The following MSLN variants were observed in gnomAD, a reference collection of about 807,000 sequenced individuals.
MSLN encodes mesothelin.
In MSLN, 82 loss-of-function variants were observed where a neutral mutation model predicts 72.6. The observed-to-expected ratio is 1.13, with a 90% CI of 0.94 to 1.36. The LOEUF (loss-of-function observed/expected upper bound fraction) is 1.36, where lower values mean the gene tolerates loss of function less well. MSLN is among the 40% of genes most tolerant of loss of function. The probability of loss-of-function intolerance (pLI) is 0.00; values close to 1 mark genes in which losing one functional copy is unlikely to be tolerated. For synonymous variants in MSLN, 456 were observed against 387.3 expected (o/e 1.18, Z -2.08); for missense variants, 1,005 against 847.9 (o/e 1.19, Z -2.30).
Position 764,922 on chromosome 16 carries a change from G to A in MSLN, c.396G>A (p.Ser132=), listed in dbSNP as rs201069688. 69 of 1,611,852 alleles carry A rather than the reference G, an allele frequency of 4.3e-5. No homozygotes were observed. Among genetic ancestry groups the A allele is most frequent in the Middle Eastern group, 1.7e-4 (1 of 6,058 alleles). Residue 132 remains serine, a synonymous_variant, in exon 8 of 18, where the codon TCG becomes TCA. Transcript: ENST00000545450. Reference sequence around the variant, plus strand: ...CTCTTCACAGCCCAGATGCGTTCTCGGGGCCCCAGGCCTGCACCCGTTTCT... The same window carrying A: ...CTCTTCACAGCCCAGATGCGTTCTCAGGGCCCCAGGCCTGCACCCGTTTCT... ...LLLFLNPDAF[S]GPQACTRFFS... is the part of the protein sequence containing the mutation.
chr16:765,497 G>C, intron 9 of MSLN, 30 bp from the exon 10 acceptor site: 1 of 1,581,856 alleles, frequency 6.3e-7, no homozygotes, highest in South Asian at 1.1e-5. Context: ...CACGTGGGGG[G>C]TCCCTGAGCT....
intron 3 of MSLN, among the ~76,000 whole-genome samples, chr16:763,031 G>A (rs561358563): frequency 1.3e-5 from 2 of 152,174 alleles, no homozygotes; most frequent in Non-Finnish European, 2.9e-5. Context: ...GTGGAAGGCC[G>A]GGCTCCCTGG....
intron 5 of MSLN, 149 bp downstream of exon 5, chr16:763,840 GACTGACACCCCT>G: frequency 6.1e-6 from 1 of 162,848 alleles, no homozygotes; most frequent in Non-Finnish European, 7.7e-6. Context: ...CTGCGGGAGG[GACTGACACCCCT>G]CAGGTGATGG....
At position 762,707 on chromosome 16, in the gene MSLN, G is replaced by T; in HGVS notation, c.27G>T (p.Leu9=). Residue 9 remains leucine, a synonymous_variant, in exon 3 of 18, where the codon CTG becomes CTT. Coordinates refer to ENST00000545450, the MANE Select transcript of MSLN (RefSeq NM_005823.6). Reference sequence around the variant, plus strand: ...TGGCCTTGCCAACGGCTCGACCCCTGTTGGGGTCCTGTGGGACCCCCGCCC... The same window carrying T: ...TGGCCTTGCCAACGGCTCGACCCCTTTTGGGGTCCTGTGGGACCCCCGCCC... MALPTARP[L]LGSCGTPALG... is the part of the protein sequence containing the mutation. 6.2e-7 allele frequency: 1 copy of T among 1,610,790 alleles called. No homozygotes were observed. The highest frequency in any genetic ancestry group is 1.3e-5 in the African/African-American group (1 of 74,942).
chr16:763,089 A>G (rs2041556601), intron 3 of MSLN, 144 bp from the exon 4 acceptor site: 4 of 620,112 alleles, frequency 6.5e-6, no homozygotes, highest in East Asian at 2.9e-5. Context: ...CACGGGGTAC[A>G]TGGGCCTGAG....
Position 765,518 on chromosome 16 carries a change from TC to T in MSLN, c.705-8del. ...GGGGGTCCCTGAGCTGTGTCCCGTG[TC>T]TGCACAGCCCCCCGTCGACATGGTC... On this transcript the variant is annotated splice_region_variant and splice_polypyrimidine_tract_variant and intron_variant, in intron 9 of 17. Coordinates refer to ENST00000545450, the MANE Select transcript of MSLN (RefSeq NM_005823.6). The T allele has an allele frequency of 6.2e-7, 1 of 1,600,912 alleles. No homozygotes were observed. The highest frequency in any genetic ancestry group is 8.5e-7 in the Non-Finnish European group (1 of 1,176,476).
intron 2 of MSLN, 22 bp from the exon 3 acceptor site, chr16:762,650 C>G (rs2151613450): frequency 6.3e-7 from 1 of 1,581,040 alleles, no homozygotes. Flanking sequence ...GGGGTCCCAT[C>G]CTGAGTCACT....
At chr16:766,037 C>A in intron 11 of MSLN, 22 bp from the exon 12 acceptor site, 1 of 1,589,032 alleles carries the variant, frequency 6.3e-7, no homozygotes, top group South Asian at 1.1e-5. Flanking sequence ...CGGCCCTGAC[C>A]CCTGACCCCT....
rs371496729 is a variant in MSLN at position 764,894 on chromosome 16, C to T, written c.381-13C>T. 1.5e-5 allele frequency: 24 copies of T among 1,610,108 alleles called. No individual in the cohort carries two copies. The highest frequency in any genetic ancestry group is 1.9e-5 in the Non-Finnish European group (22 of 1,178,864). On this transcript the variant is annotated splice_polypyrimidine_tract_variant and intron_variant, in intron 7 of 17. Transcript: ENST00000545450. ...GATCAGTGCGGCCTGTCCCCAGCAC[C>T]CTCTCTTCACAGCCCAGATGCGTTC...
chr16:766,269 C>A, intron 12 of MSLN, 32 bp downstream of exon 12: 1 of 1,609,030 alleles, frequency 6.2e-7, no homozygotes, highest in Non-Finnish European at 8.5e-7. Flanking sequence ...CACCGGCCTG[C>A]TGTGTCCAAG....
intron 16 of MSLN, 88 bp from the exon 17 acceptor site, chr16:768,291 G>T (rs975135496): frequency 1.1e-5 from 15 of 1,355,728 alleles, no homozygotes; most frequent in Non-Finnish European, 1.5e-5. Flanking sequence ...TGTGGGTGGG[G>T]CAGTTTGGAC....
chr16:765,653 G>A, intron 10 of MSLN, 36 bp downstream of exon 10: 1 of 1,597,972 alleles, frequency 6.3e-7, no homozygotes, highest in Non-Finnish European at 8.5e-7. Context: ...GGGATGCCCG[G>A]CCACCCGAGG....
In MSLN at chr16:765,235, G is replaced by A. The variant is rs1186586612; in HGVS notation, c.636G>A (p.Pro212=). Residue 212 remains proline (P), a synonymous_variant, in exon 9 of 18, where the codon CCG becomes CCA. Transcript: ENST00000545450. ...EVLLPRLVSC[P]GPLDQDQQEA... ...TGCTACCCCGGCTGGTGAGCTGCCC[G>A]GGACCCCTGGACCAGGACCAGCAGG... 9 of 1,584,074 alleles carry A rather than the reference G, an allele frequency of 5.7e-6. No individual in the cohort carries two copies. Among genetic ancestry groups the A allele is most frequent in the African/African-American group, 4.0e-5 (3 of 74,612 alleles).
rs1469213691 is a variant in MSLN, at chr16:761,081, A to G, written c.-103A>G. The G allele has an allele frequency of 6.6e-6, 1 of 151,798 alleles. No homozygotes were observed. Among genetic ancestry groups the G allele is most frequent in the Non-Finnish European group, 1.5e-5 (1 of 67,966 alleles). The allele number at this position is 151,798 out of a possible 1,614,324, so 9.4% of individuals were successfully genotyped here. On this transcript the variant is annotated 5_prime_UTR_variant, in exon 2 of 18. Transcript: ENST00000545450. ...CTCATGGGCGCTGCCAGCGCCACGC[A>G]CTCCTCTTTCTGCCTGGCCGGCCAC...
Position 768,642 on chromosome 16 carries a change from C to T in MSLN, c.1784-6C>T, listed in dbSNP as rs1173953425. 1 of 1,611,242 alleles carries T rather than the reference C, an allele frequency of 6.2e-7. No homozygotes were observed. Among genetic ancestry groups the T allele is most frequent in the Non-Finnish European group, 8.5e-7 (1 of 1,179,454 alleles). On this transcript the variant is annotated splice_polypyrimidine_tract_variant and splice_region_variant and intron_variant, in intron 17 of 17. Transcript: ENST00000545450. ...TGGGCGCTCTGAGTCACCCCTCTCTCTGTAGAGGCCCTCTCGGGGACGCCC... is the reference window on the plus strand; with the variant it reads ...TGGGCGCTCTGAGTCACCCCTCTCTTTGTAGAGGCCCTCTCGGGGACGCCC...
chr16:764,562 T>C (rs2041578353), intron 6 of MSLN, 85 bp from the exon 7 acceptor site: 2 of 1,111,072 alleles, frequency 1.8e-6, no homozygotes, highest in South Asian at 1.2e-5. Flanking sequence ...GGGTGTGTTG[T>C]GGTGGGCAGA....
At position 767,477 on chromosome 16, in the gene MSLN, C is replaced by A; in HGVS notation, c.1596+7C>A. The A allele has an allele frequency of 6.7e-7, 1 of 1,502,312 alleles. No individual in the cohort carries two copies. Among genetic ancestry groups the A allele is most frequent in the East Asian group, 2.5e-5 (1 of 39,710 alleles). 93.1% of individuals were successfully genotyped at this position (1,502,312 alleles called of 1,614,324 possible). A position where few individuals can be genotyped will look rare whatever the true frequency, so the allele number is the denominator to read the frequency against. ...GCGGACGGATGCGGTGCTGGTATGG[C>A]GAGCGGGAGGAGGGGCGTGTGGAGG... On this transcript the variant is annotated splice_region_variant and intron_variant, in intron 16 of 17. Coordinates refer to ENST00000545450, the MANE Select transcript of MSLN (RefSeq NM_005823.6).
intron 5 of MSLN, 40 bp from the exon 6 acceptor site, chr16:763,983 G>A (rs1191447682): frequency 1.3e-6 from 2 of 1,590,720 alleles, no homozygotes; most frequent in East Asian, 4.5e-5. Flanking sequence ...CATTGCAGGG[G>A]AGGGGCGATC....
chr16:768,474 A>ACGG lies in MSLN; in HGVS notation c.1694_1696dup (p.Arg565dup). On this transcript the variant is annotated inframe_insertion, in exon 17 of 18. Transcript: ENST00000545450. ...ACCGCCCGGTGCGGGACTGGATCCT[A>ACGG]CGGCAGCGGCAGGACGACCTGGACA... The ACGG allele has an allele frequency of 6.4e-7, 1 of 1,569,796 alleles. No homozygotes were observed. The highest frequency in any genetic ancestry group is 8.7e-7 in the Non-Finnish European group (1 of 1,155,158).
Sources: allele counts gnomAD v4.1 joint callset (sites outside exome capture counted in the v4.1 genomes callset), GRCh38; gene constraint gnomAD v4.1.1; transcripts MANE v1.5; gene names NCBI Gene and HGNC (gene_info 2026-07-23, HGNC 2026-07-21).